Variants in PMFBP1 observed in about 807,000 individuals in gnomAD.
PMFBP1 encodes polyamine-modulated factor 1-binding protein 1.
Under a neutral mutation model 137.8 loss-of-function variants are expected in PMFBP1, and 131 were observed. That is an observed-to-expected ratio of 0.95 (90% confidence interval 0.82 to 1.10). PMFBP1 has a LOEUF of 1.10. Ranked by LOEUF, PMFBP1 falls within the 50% of genes least tolerant of loss-of-function variation. PMFBP1 has a pLI of 0.00. For synonymous variants in PMFBP1, 490 were observed against 450.4 expected, an observed-to-expected ratio of 1.09 and a Z score of -1.11; for missense variants, 1,199 against 1,175.4, an observed-to-expected ratio of 1.02 and a Z score of -0.29.
chr16:72,203,100 C>T, the PMFBP1 span, among the ~76,000 whole-genome samples: 4 of 152,194 alleles, frequency 2.6e-5, no homozygotes, highest in African/African-American at 9.7e-5. Flanking sequence ...TTGCAAAAAG[C>T]TAGGAATCAC....
rs572292188 is a variant in PMFBP1, at chr16:72,154,460, C to T, written c.166-1G>A. 1.1e-5 allele frequency: 17 copies of T among 1,613,550 alleles called. No homozygotes were observed. The South Asian group carries it at 1.8e-4, about 17-fold the overall frequency. ...CTAATGCCTGTGCTTGCTTCTTGTC[C>T]TACCATAGAGACAGGATATACAAAA... On this transcript the variant is annotated splice_acceptor_variant, in intron 3 of 20. Coordinates refer to ENST00000237353, the MANE Select transcript of PMFBP1 (RefSeq NM_031293.3). LOFTEE classifies it high-confidence loss of function.
chr16:72,170,247 G>C (rs956086543), intron 2 of PMFBP1, among the ~76,000 whole-genome samples: 5 of 151,164 alleles, frequency 3.3e-5, no homozygotes, highest in Non-Finnish European at 2.9e-5. Context: ...CACAGAACTG[G>C]TATGAAGTTC....
intron 1 of PMFBP1, chr16:72,171,695 A>G (rs1245980396): frequency 6.5e-6 from 1 of 153,338 alleles, no homozygotes; most frequent in African/African-American, 2.4e-5. Context: ...TCATTTAAAG[A>G]TAAGGAAACT....
Position 72,122,996 on chromosome 16 carries a change from A to G in PMFBP1, c.2694-8T>C. 1 of 1,611,282 alleles carries G rather than the reference A, an allele frequency of 6.2e-7. No homozygotes were observed. The highest frequency in any genetic ancestry group is 1.1e-5 in the South Asian group (1 of 91,012). ...AGTTTCTCATTGGCGACCCTGTAAT[A>G]AAATCACAGGAGAAAACAGCAGCCA... On this transcript the variant is annotated splice_region_variant and splice_polypyrimidine_tract_variant and intron_variant, in intron 18 of 20. Coordinates refer to ENST00000237353, the MANE Select transcript of PMFBP1 (RefSeq NM_031293.3).
chr16:72,210,268 C>T, the PMFBP1 span, among the ~76,000 whole-genome samples: 1 of 152,184 alleles, frequency 6.6e-6, no homozygotes, highest in Admixed American at 6.5e-5. Flanking sequence ...TGGCCTTCCC[C>T]AGCAGGAGAG....
chr16:72,243,305 G>A, the PMFBP1 span, among the ~76,000 whole-genome samples: 1 of 152,220 alleles, frequency 6.6e-6, no homozygotes, highest in African/African-American at 2.4e-5. Flanking sequence ...GGCACCAAGT[G>A]AATGCAAATA....
At chr16:72,124,999 G>A (rs993231806) in intron 16 of PMFBP1, 65 bp from the exon 17 acceptor site, 9 of 1,574,592 alleles carry the variant, frequency 5.7e-6, no homozygotes, top group Admixed American at 3.6e-5. Context: ...GGACCCACAA[G>A]GCCAGAGGGT....
chr16:72,203,287 G>A, the PMFBP1 span, among the ~76,000 whole-genome samples: 1 of 152,210 alleles, frequency 6.6e-6, no homozygotes, highest in Non-Finnish European at 1.5e-5. Flanking sequence ...TTTGAAAGTT[G>A]CTCTAAACAC....
chr16:72,225,406 C>G, the PMFBP1 span, among the ~76,000 whole-genome samples: 1 of 152,082 alleles, frequency 6.6e-6, no homozygotes, highest in Non-Finnish European at 1.5e-5. Flanking sequence ...ATAGACCCCA[C>G]TGGCCCGGCA....
At chr16:72,143,016 G>C (rs2042746232) in intron 5 of PMFBP1, among the ~76,000 whole-genome samples, 1 of 151,826 alleles carries the variant, frequency 6.6e-6, no homozygotes, top group African/African-American at 2.4e-5. Flanking sequence ...GATCAAATAG[G>C]GTTTATTCCA....
upstream of PMFBP1, among the ~76,000 whole-genome samples, chr16:72,180,547 G>A (rs143386128): frequency 2.6e-5 from 4 of 152,104 alleles, no homozygotes; most frequent in East Asian, 1.9e-4. Context: ...ACAAGTTGTC[G>A]GAAATGAAAT....
At chr16:72,182,627 T>C in the PMFBP1 span, among the ~76,000 whole-genome samples, 3 of 152,168 alleles carry the variant, frequency 2.0e-5, no homozygotes, top group Non-Finnish European at 2.9e-5. Flanking sequence ...TCAAAAGTGC[T>C]GAGAACCCAG....
At position 72,130,626 on chromosome 16, in the gene PMFBP1, T is replaced by C; in HGVS notation, c.1544A>G (p.Lys515Arg). 2 of 1,613,972 alleles carry C rather than the reference T, an allele frequency of 1.2e-6. No homozygotes were observed. Among genetic ancestry groups the C allele is most frequent in the Non-Finnish European group, 1.7e-6 (2 of 1,179,972 alleles). The change falls in exon 11 of 21, where the codon AAG becomes AGG. Residue 515 changes from lysine to arginine, a missense_variant. Lys to Arg is a conservative substitution (Grantham distance 26, BLOSUM62 2). Transcript: ENST00000237353. Reference sequence around the variant, plus strand: ...TTCCTGGATGGTGTCTGCCTTCTGCTTGTCCAGGAGGAGACCCTTCTGCAG... The same window carrying C: ...TTCCTGGATGGTGTCTGCCTTCTGCCTGTCCAGGAGGAGACCCTTCTGCAG... The part of the protein sequence containing the change: ...RKLQKGLLLD[K>R]QKADTIQELQ...
rs772507432 is a variant in PMFBP1, at chr16:72,154,374, T to G, written c.251A>C (p.Gln84Pro). The G allele has an allele frequency of 6.2e-6, 10 of 1,614,196 alleles. No homozygotes were observed. Among genetic ancestry groups the G allele is most frequent in the Non-Finnish European group, 7.6e-6 (9 of 1,180,018 alleles). The stretch of plus-strand genomic sequence containing the variant: ...GACCAGCAATTTTTTCTTCAGTTGC[T>G]GGAGTTGTCTCAGATGACACTGTTT... ...SSKQCHLRQL[Q>P]QLKKKLLVLQ... is the part of the protein sequence containing the mutation. Residue 84 changes from glutamine (Q) to proline (P), a missense_variant, in exon 4 of 21, where the codon CAG (glutamine) becomes CCG (proline). Transcript: ENST00000237353.
chr16:72,162,655 G>T (rs2043081827), intron 3 of PMFBP1, among the ~76,000 whole-genome samples: 1 of 152,188 alleles, frequency 6.6e-6, no homozygotes, highest in Non-Finnish European at 1.5e-5. Flanking sequence ...TTTAAATTCT[G>T]CACTAAGTGC....
chr16:72,159,390 T>G (rs1449619847), intron 3 of PMFBP1, among the ~76,000 whole-genome samples: 1 of 152,236 alleles, frequency 6.6e-6, no homozygotes, highest in African/African-American at 2.4e-5. Context: ...AGAGGTCGTC[T>G]TGGATCTTCT....
chr16:72,170,286 G>C (rs1201788825), intron 2 of PMFBP1, among the ~76,000 whole-genome samples: 1 of 151,664 alleles, frequency 6.6e-6, no homozygotes, highest in Non-Finnish European at 1.5e-5. Flanking sequence ...CAGCAGGAAA[G>C]GAGTGGACTG....
At chr16:72,235,843 C>T in the PMFBP1 span, among the ~76,000 whole-genome samples, 4 of 152,034 alleles carry the variant, frequency 2.6e-5, no homozygotes, top group African/African-American at 7.2e-5. Context: ...GATCTTGTGT[C>T]GTGCAACACT....
chr16:72,230,363 G>A, the PMFBP1 span, among the ~76,000 whole-genome samples: 1 of 152,082 alleles, frequency 6.6e-6, no homozygotes. Context: ...AATTGAATAG[G>A]TTGAGATGAC....
Sources: gnomAD v4.1 joint callset for allele counts (sites outside exome capture counted in the v4.1 genomes callset) on GRCh38, gnomAD v4.1.1 for gene constraint, MANE v1.5 for transcripts, NCBI Gene and HGNC (gene_info 2026-07-23, HGNC 2026-07-21) for gene names.